The following CASP2 variants were observed in gnomAD, a reference collection of about 807,000 sequenced individuals.
CASP2 encodes the protein caspase-2.
Under a neutral mutation model 54.4 loss-of-function variants are expected in CASP2, and 38 were observed. The ratio of observed to expected loss-of-function variants is 0.70; its 90% CI spans 0.54 to 0.92. CASP2 has a LOEUF of 0.92. Ranked by LOEUF, CASP2 falls within the 40% of genes least tolerant of loss-of-function variation. CASP2 has a pLI of 0.00. For synonymous variants in CASP2, 215 were observed against 216.3 expected (o/e 0.99, Z 0.05); for missense variants, 512 against 579.6 (o/e 0.88, Z 1.20).
chr7:143,289,537 G>A, intron 1 of CASP2: 1 of 684,178 alleles, frequency 1.5e-6, no homozygotes, highest in Non-Finnish European at 1.8e-6. Context: ...AAAGAAAACA[G>A]GAACTGGGTA....
At position 143,292,403 on chromosome 7, in the gene CASP2, A is replaced by G. The variant is rs767906534; in HGVS notation, c.329A>G (p.Lys110Arg). ...TTCTGTGAAGCACTGAGGGAGACCA[A>G]GCAAGGCCACCTGGAGGATATGTTG... ...DAFCEALRET[K>R]QGHLEDMLLT... The change falls in exon 3 of 11, where the codon AAG (lysine) becomes AGG (arginine). Residue 110 changes from lysine (K) to arginine (R), a missense_variant. By Grantham distance (26) the Lys-to-Arg change is conservative. Coordinates refer to ENST00000310447, the MANE Select transcript of CASP2 (RefSeq NM_032982.4). The G allele has an allele frequency of 1.9e-6, 3 of 1,614,184 alleles. No homozygotes were observed. Among genetic ancestry groups the G allele is most frequent in the Non-Finnish European group, 1.7e-6 (2 of 1,180,034 alleles).
intron 1 of CASP2, among the ~76,000 whole-genome samples, chr7:143,289,857 G>A (rs902034985): frequency 6.6e-6 from 1 of 152,014 alleles, no homozygotes; most frequent in Admixed American, 6.6e-5. Flanking sequence ...CCAAACCTCA[G>A]ATTCATTGGC....
intron 6 of CASP2, among the ~76,000 whole-genome samples, chr7:143,295,194 ATTG>A (rs1554430538): frequency 6.7e-6 from 1 of 150,274 alleles, no homozygotes; most frequent in Non-Finnish European, 1.5e-5. Context: ...TACCTGGCTT[ATTG>A]TTGTATTTTT....
intron 4 of CASP2, chr7:143,293,105 CTTTTTTTTGTT>C (rs1197239992): frequency 3.3e-5 from 20 of 610,876 alleles, no homozygotes; most frequent in Admixed American, 8.8e-5. Flanking sequence ...AACATGAGCC[CTTTTTTTTGTT>C]TTTTTTTTTT....
Position 143,288,387 on chromosome 7 carries a change from G to T in CASP2, c.-69G>T. ...CCGCGTCTGAGGGGAGGGATGTGGG[G>T]GAAGCGACGGCCCCCGGTTTGTTTG... On this transcript the variant is annotated 5_prime_UTR_variant, in exon 1 of 11. Transcript: ENST00000310447. 2.0e-6 allele frequency: 3 copies of T among 1,502,290 alleles called. No individual in the cohort carries two copies. Among genetic ancestry groups the T allele is most frequent in the South Asian group, 1.2e-5 (1 of 86,930 alleles). The allele number at this position is 1,502,290 out of a possible 1,614,324, so 93.1% of individuals were successfully genotyped here. A position where few individuals can be genotyped will look rare whatever the true frequency, so the allele number is the denominator to read the frequency against.
chr7:143,296,275 T>C (rs1238725737), intron 6 of CASP2, among the ~76,000 whole-genome samples: 1 of 152,178 alleles, frequency 6.6e-6, no homozygotes, highest in African/African-American at 2.4e-5. Flanking sequence ...GTAACTGGAA[T>C]TGCAGTAGAG....
In CASP2 at chr7:143,304,718, G is replaced by A. The variant is rs188499115; in HGVS notation, c.1162G>A (p.Glu388Lys). 9.0e-5 allele frequency: 145 copies of A among 1,614,180 alleles called. No homozygotes were observed. In the Admixed American group the frequency reaches 2.3e-3, roughly 26 times the overall value. The change falls in exon 10 of 11, where the codon GAG becomes AAG. Residue 388 changes from glutamate to lysine, a missense_variant. Glu to Lys is a moderately conservative substitution (Grantham distance 56). This residue lies in a region of CASP2 where 417 missense variants were observed against 495.4 expected (regional missense o/e 0.84). Coordinates refer to ENST00000310447, the MANE Select transcript of CASP2 (RefSeq NM_032982.4). ...RNTKRGSWYI[E>K]ALAQVFSERA... Reference sequence around the variant, plus strand: ...CACCAAACGAGGTTCCTGGTACATCGAGGCTCTTGCTCAAGTGTTTTCTGA... The same window carrying A: ...CACCAAACGAGGTTCCTGGTACATCAAGGCTCTTGCTCAAGTGTTTTCTGA...
rs1022087669 is a variant in CASP2, at chr7:143,306,387, G to A, written c.*1316G>A. ...TTCTCCTGCCTCAGCCTTCCAAGTA[G>A]CTGGGACTACAGGTGCCCGCCACCG... On this transcript the variant is annotated 3_prime_UTR_variant, in exon 11 of 11. Transcript: ENST00000310447. The A allele has an allele frequency of 1.3e-5, 2 of 149,260 alleles. No homozygotes were observed. The highest frequency in any genetic ancestry group is 3.0e-5 in the Non-Finnish European group (2 of 67,702). 9.2% of individuals were successfully genotyped at this position (149,260 alleles called of 1,614,324 possible).
intron 6 of CASP2, among the ~76,000 whole-genome samples, chr7:143,296,898 T>C (rs1276733973): frequency 6.6e-6 from 1 of 152,194 alleles, no homozygotes; most frequent in African/African-American, 2.4e-5. Flanking sequence ...ATGTTTTCAC[T>C]TTTCTCTTTG....
At chr7:143,288,560 G>T in intron 1 of CASP2, 31 bp downstream of exon 1, 3 of 1,569,980 alleles carry the variant, frequency 1.9e-6, no homozygotes, top group Non-Finnish European at 2.6e-6. Flanking sequence ...GGGCTCCTTA[G>T]GGGAGCCCAG....
In CASP2 at chr7:143,288,525, C is replaced by G; in HGVS notation, c.70C>G (p.Arg24Gly). Residue 24 changes from arginine (R) to glycine (G), a missense_variant, in exon 1 of 11, where the codon CGC becomes GGC. This residue lies in a region of CASP2 where 89 missense variants were observed against 67.1 expected (regional missense o/e 1.33). Transcript: ENST00000310447. ...HKELMAADRG[R>G]RILGVCGMHP... is the part of the protein sequence containing the mutation. ...GGAGCTGATGGCCGCTGACAGGGGACGCAGGTAAGTAGGGAACGGTCTTAG... is the reference window on the plus strand; with the variant it reads ...GGAGCTGATGGCCGCTGACAGGGGAGGCAGGTAAGTAGGGAACGGTCTTAG... 16 of 1,612,948 alleles carry G rather than the reference C, an allele frequency of 9.9e-6. No homozygotes were observed. The highest frequency in any genetic ancestry group is 1.3e-5 in the Non-Finnish European group (15 of 1,179,352).
At position 143,299,931 on chromosome 7, in the gene CASP2, A is replaced by G. The variant is rs753060444; in HGVS notation, c.756A>G (p.Gln252=). ...VLCDQTAQEM[Q]EKLQNFAQLP... ...ACATTCCTTTCTTTTAGGAAATGCA[A>G]GAGAAACTGCAGAATTTTGCACAGT... The change falls in exon 7 of 11, where the codon CAA becomes CAG. Residue 252 remains glutamine, a synonymous_variant. Coordinates refer to ENST00000310447, the MANE Select transcript of CASP2 (RefSeq NM_032982.4). The G allele has an allele frequency of 6.2e-6, 10 of 1,614,078 alleles. No homozygotes were observed. In the Admixed American group the frequency reaches 1.7e-4, roughly 27 times the overall value.
At chr7:143,297,248 C>G (rs1405000403) in intron 6 of CASP2, among the ~76,000 whole-genome samples, 1 of 152,172 alleles carries the variant, frequency 6.6e-6, no homozygotes, top group East Asian at 1.9e-4. Flanking sequence ...AACAAATCTG[C>G]AGATCCTATT....
At chr7:143,294,453 G>A in intron 5 of CASP2, 129 bp downstream of exon 5, 4 of 1,026,678 alleles carry the variant, frequency 3.9e-6, no homozygotes, top group Non-Finnish European at 6.1e-6. Context: ...CTGGTTAAAT[G>A]CCTTCTGTGA....
At position 143,288,438 on chromosome 7, in the gene CASP2, G is replaced by C. The variant is rs1263285738; in HGVS notation, c.-18G>C. ...GGCTGTGGGCGGTGCGCAGCGGAGA[G>C]CCCGGGAAAAGCGGGAAATGGCGGC... On this transcript the variant is annotated 5_prime_UTR_variant, in exon 1 of 11. Coordinates refer to ENST00000310447, the MANE Select transcript of CASP2 (RefSeq NM_032982.4). The C allele has an allele frequency of 1.9e-6, 3 of 1,611,992 alleles. No homozygotes were observed. The highest frequency in any genetic ancestry group is 4.5e-5 in the East Asian group (2 of 44,868).
chr7:143,293,799 G>T (rs1801661692), intron 4 of CASP2, among the ~76,000 whole-genome samples: 1 of 152,278 alleles, frequency 6.6e-6, no homozygotes, highest in Non-Finnish European at 1.5e-5. Flanking sequence ...CAGGCAAGGT[G>T]TTATTAATAG....
intron 6 of CASP2, chr7:143,298,795 T>C (rs549689665): frequency 6.6e-6 from 1 of 151,684 alleles, no homozygotes; most frequent in East Asian, 1.9e-4. Flanking sequence ...GCCTGGGCAA[T>C]ATAGCAAGAT....
intron 1 of CASP2, among the ~76,000 whole-genome samples, chr7:143,291,260 G>C (rs954184926): frequency 8.5e-5 from 13 of 152,240 alleles, no homozygotes; most frequent in African/African-American, 2.9e-4. Context: ...GTACTTGGGG[G>C]TATTGTTTTG....
chr7:143,299,821 G>A (rs866068889), intron 6 of CASP2, 102 bp from the exon 7 acceptor site: 28 of 1,332,132 alleles, frequency 2.1e-5, no homozygotes, highest in African/African-American at 1.9e-4. Context: ...TACATAAAGC[G>A]TTTTATCTTC....
Sources: gnomAD v4.1 joint callset for allele counts (sites outside exome capture counted in the v4.1 genomes callset) on GRCh38, gnomAD v4.1.1 for gene constraint, gnomAD v4.1.1 regional missense constraint, MANE v1.5 for transcripts, NCBI Gene and HGNC (gene_info 2026-07-23, HGNC 2026-07-21) for gene names.